Variants in VPS39 observed in about 807,000 individuals in gnomAD.
The protein encoded by VPS39 is VPS39 subunit of HOPS complex, also known as vam6/Vps39-like protein.
In VPS39, 70 loss-of-function variants were observed where a neutral mutation model predicts 121.0. The observed-to-expected ratio is 0.58, with a 90% CI of 0.48 to 0.71. The LOEUF (loss-of-function observed/expected upper bound fraction) is 0.71. VPS39 is among the 30% of genes least tolerant of loss of function. The pLI, the probability that VPS39 is intolerant of heterozygous loss-of-function variation, is 0.00. For synonymous variants in VPS39, 378 were observed against 398.1 expected (o/e 0.95, Z 0.60); for missense variants, 818 against 1,051.5 (o/e 0.78, Z 3.07).
chr15:42,184,728 T>C (rs773959983), intron 7 of VPS39, 28 bp from the exon 8 acceptor site: 2 of 1,585,430 alleles, frequency 1.3e-6, no homozygotes, highest in Non-Finnish European at 1.7e-6. Flanking sequence ...GTGAGTCACC[T>C]AGCATTCCCC....
At chr15:42,189,297 A>G (rs1440580755) in intron 4 of VPS39, 89 bp from the exon 5 acceptor site, 1 of 980,280 alleles carries the variant, frequency 1.0e-6, no homozygotes, top group East Asian at 2.5e-5. Context: ...CTGTGTTAAC[A>G]TCTAGAAGAA....
chr15:42,192,900 C>T (rs987278768), intron 2 of VPS39, among the ~76,000 whole-genome samples: 8 of 152,054 alleles, frequency 5.3e-5, no homozygotes, highest in Non-Finnish European at 1.2e-4. Flanking sequence ...TGCCCTCAGC[C>T]TCTGGAGTAG....
chr15:42,187,426 T>A, intron 6 of VPS39, 63 bp from the exon 7 acceptor site: 1 of 1,451,296 alleles, frequency 6.9e-7, no homozygotes, highest in Non-Finnish European at 9.4e-7. Flanking sequence ...ATGACTTTCC[T>A]GTTATTCTGC....
chr15:42,163,843 T>C, intron 19 of VPS39, 115 bp from the exon 20 acceptor site: 1 of 701,978 alleles, frequency 1.4e-6, no homozygotes, highest in Non-Finnish European at 2.3e-6. Context: ...AATAGGATTC[T>C]TATTGCTTGG....
intron 10 of VPS39, among the ~76,000 whole-genome samples, chr15:42,175,332 C>T (rs1024584561): frequency 6.6e-6 from 1 of 150,990 alleles, no homozygotes; most frequent in Non-Finnish European, 1.5e-5. Context: ...TGCTTGAACC[C>T]GGGAGGCGGA....
At position 42,169,728 on chromosome 15, in the gene VPS39, G is replaced by C; in HGVS notation, c.1229C>G (p.Thr410Arg). The C allele has an allele frequency of 6.2e-7, 1 of 1,613,886 alleles. No individual in the cohort carries two copies. Among genetic ancestry groups the C allele is most frequent in the Non-Finnish European group, 8.5e-7 (1 of 1,180,008 alleles). ...CGCACTCTGTACTATACCTACCTGT[G>C]TCAGGTAGTCAATCAGAGCTAAGTG... ...KAHLALIDYL[T>R]QKRSQLVKKL... is the part of the protein sequence containing the mutation. The change falls in exon 12 of 25, where the codon ACA becomes AGA. Residue 410 changes from threonine to arginine, a missense_variant. Coordinates refer to ENST00000318006, the MANE Select transcript of VPS39 (RefSeq NM_015289.5).
At chr15:42,175,898 C>T (rs1438248373) in intron 10 of VPS39, among the ~76,000 whole-genome samples, 2 of 152,078 alleles carry the variant, frequency 1.3e-5, no homozygotes, top group Admixed American at 1.3e-4. Context: ...TATTCTTAAA[C>T]GGTCAACTCA....
At chr15:42,205,835 A>G (rs1245158050) in intron 1 of VPS39, among the ~76,000 whole-genome samples, 1 of 152,216 alleles carries the variant, frequency 6.6e-6, no homozygotes. Context: ...CAAGATAGAG[A>G]GAAATGACTG....
chr15:42,171,801 A>G (rs1166260344), intron 11 of VPS39, among the ~76,000 whole-genome samples: 1 of 152,006 alleles, frequency 6.6e-6, no homozygotes, highest in East Asian at 1.9e-4. Flanking sequence ...TTTTACTTAC[A>G]GTCTCCATGA....
At chr15:42,200,042 A>C in intron 1 of VPS39, 81 bp from the exon 2 acceptor site, 1 of 1,318,028 alleles carries the variant, frequency 7.6e-7, no homozygotes, top group Non-Finnish European at 9.9e-7. Flanking sequence ...GTATAACCCT[A>C]TTTTTTTAGC....
Position 42,160,715 on chromosome 15 carries a change from G to A in VPS39, c.*39C>T. On this transcript the variant is annotated 3_prime_UTR_variant, in exon 25 of 25. Coordinates refer to ENST00000318006, the MANE Select transcript of VPS39 (RefSeq NM_015289.5). ...GGTGCTCCTTCACCTCTCTGGGAGA[G>A]CCAAGCTGTCCATCCGCTGGATCCC... The A allele has an allele frequency of 1.3e-6, 2 of 1,590,960 alleles. No homozygotes were observed. The highest frequency in any genetic ancestry group is 1.3e-5 in the African/African-American group (1 of 74,532).
At chr15:42,170,876 CA>C (rs2049335461) in intron 11 of VPS39, among the ~76,000 whole-genome samples, 1 of 149,572 alleles carries the variant, frequency 6.7e-6, no homozygotes, top group Non-Finnish European at 1.5e-5. Context: ...GGACTACAGG[CA>C]TGTACTATCC....
intron 2 of VPS39, among the ~76,000 whole-genome samples, chr15:42,195,337 G>A (rs959938951): frequency 6.6e-6 from 1 of 152,176 alleles, no homozygotes; most frequent in Non-Finnish European, 1.5e-5. Context: ...AACTTTGGGA[G>A]GCTGAGGTGG....
At chr15:42,191,703 C>A (rs2049830940) in intron 2 of VPS39, 143 bp from the exon 3 acceptor site, 3 of 724,682 alleles carry the variant, frequency 4.1e-6, no homozygotes, top group South Asian at 3.8e-5. Flanking sequence ...ATCTAAATAG[C>A]CAGCTCTCTT....
Position 42,184,537 on chromosome 15 carries a change from G to C in VPS39, c.698C>G (p.Thr233Arg), listed in dbSNP as rs772989221. 1.9e-6 allele frequency: 3 copies of C among 1,610,784 alleles called. No homozygotes were observed. Among genetic ancestry groups the C allele is most frequent in the South Asian group, 1.1e-5 (1 of 90,586 alleles). ...CTCACCCATGGCCACTGGTATGTCC[G>C]TCCAGTTCAGGGCACATTTCTGTGT... ...ICTQKCALNW[T>R]DIPVAMEHQP... The change falls in exon 8 of 25, where the codon ACG becomes AGG. Residue 233 changes from threonine to arginine, a missense_variant. Physicochemically the swap from Thr to Arg is moderately conservative, Grantham distance 71. Transcript: ENST00000318006.
chr15:42,198,097 C>T (rs1468407438), intron 2 of VPS39, among the ~76,000 whole-genome samples: 1 of 152,264 alleles, frequency 6.6e-6, no homozygotes, highest in East Asian at 1.9e-4. Flanking sequence ...AAGGAATAGT[C>T]GCCACCAGGG....
rs749160140 is a variant in VPS39 at position 42,167,442 on chromosome 15, C to T, written c.1329G>A (p.Lys443=). The T allele has an allele frequency of 1.2e-6, 2 of 1,614,132 alleles. No homozygotes were observed. The highest frequency in any genetic ancestry group is 1.7e-6 in the Non-Finnish European group (2 of 1,180,028). ...TGGTGTCGATGATTTGTAGCAGCTT[C>T]TTCTTGGATTTGATGGTGGGAGTGC... ...MEGTPTIKSK[K]KLLQIIDTTL... The change falls in exon 13 of 25, where the codon AAG becomes AAA. Residue 443 remains lysine, a synonymous_variant. Transcript: ENST00000318006.
At chr15:42,184,759 G>C in intron 7 of VPS39, 59 bp from the exon 8 acceptor site, 1 of 1,505,644 alleles carries the variant, frequency 6.6e-7, no homozygotes, top group East Asian at 2.3e-5. Context: ...AAGAACACAG[G>C]AAAAATCCAG....
rs951686355 is a variant in VPS39, at chr15:42,192,218, T to C, written c.140-658A>G. ...CAATGAGTCAAAAAGAGAATAATTA[T>C]CATCATCATCATCAGAGCAGCTATC... On this transcript the variant is annotated intron_variant, in intron 2 of 24. Coordinates refer to ENST00000318006, the MANE Select transcript of VPS39 (RefSeq NM_015289.5). The C allele has an allele frequency of 2.8e-5, 25 of 895,402 alleles. No individual in the cohort carries two copies. In the African/African-American group the frequency reaches 3.5e-4, roughly 12 times the overall value. The allele number at this position is 895,402 out of a possible 1,614,324, so 55.5% of individuals were successfully genotyped here.
Sources: gnomAD v4.1 joint callset for allele counts (sites outside exome capture counted in the v4.1 genomes callset) on GRCh38, gnomAD v4.1.1 for gene constraint, MANE v1.5 for transcripts, NCBI Gene and HGNC (gene_info 2026-07-23, HGNC 2026-07-21) for gene names.